Variants in CAPS2 observed in about 807,000 individuals in gnomAD.
CAPS2 encodes the protein calcyphosin-2.
CAPS2 carries 98 observed loss-of-function variants against 86.5 expected under a neutral mutation model. The observed-to-expected ratio is 1.13, with a 90% confidence interval of 0.96 to 1.34. The LOEUF (loss-of-function observed/expected upper bound fraction) is 1.34, where lower values mean the gene tolerates loss of function less well. Ranked by LOEUF, CAPS2 falls within the 40% of genes most tolerant of loss-of-function variation. The probability of loss-of-function intolerance (pLI) is 0.00; values close to 1 mark genes in which losing one functional copy is unlikely to be tolerated. For synonymous variants in CAPS2, 210 were observed against 225.1 expected, an observed-to-expected ratio of 0.93 and a Z score of 0.60; for missense variants, 729 against 686.8, an observed-to-expected ratio of 1.06 and a Z score of -0.69.
At chr12:75,313,333 A>G (rs1290245788) in intron 6 of CAPS2, among the ~76,000 whole-genome samples, 2 of 152,230 alleles carry the variant, frequency 1.3e-5, no homozygotes, top group Admixed American at 1.3e-4. Context: ...AACACTATTC[A>G]TAGCAAAAGA....
intron 4 of CAPS2, among the ~76,000 whole-genome samples, chr12:75,322,263 AAG>A (rs2040376049): frequency 6.6e-6 from 1 of 152,142 alleles, no homozygotes; most frequent in Admixed American, 6.6e-5. Flanking sequence ...GAGAGATAAT[AAG>A]AGTCAGTGGA....
At chr12:75,329,915 A>G (rs1172635875), upstream of CAPS2, 1 of 1,506,384 alleles carries the variant, frequency 6.6e-7, no homozygotes, top group Non-Finnish European at 9.0e-7. Flanking sequence ...AGAGACAGTC[A>G]GCCTGATTTC....
intron 2 of CAPS2, among the ~76,000 whole-genome samples, chr12:75,324,791 A>G (rs2040613295): frequency 6.6e-6 from 1 of 152,128 alleles, no homozygotes; most frequent in South Asian, 2.1e-4. Context: ...GCAACATAAA[A>G]CATAAATTAA....
intron 7 of CAPS2, chr12:75,305,808 G>T: frequency 1.4e-6 from 1 of 736,972 alleles, no homozygotes; most frequent in South Asian, 1.3e-5. Context: ...TACAATTAGT[G>T]ATGGAGGGGC....
At chr12:75,386,890 T>C (rs1182282867) in intron 1 of CAPS2, among the ~76,000 whole-genome samples, 2 of 152,152 alleles carry the variant, frequency 1.3e-5, no homozygotes, top group African/African-American at 4.8e-5. Flanking sequence ...GCACAAACTT[T>C]ATACCCTTCA....
chr12:75,329,791 T>C (rs950984240), upstream of CAPS2: 25 of 1,510,842 alleles, frequency 1.7e-5, no homozygotes, highest in Non-Finnish European at 2.2e-5. Flanking sequence ...TTTCACCCCA[T>C]CACTCCCCCT....
Position 75,316,865 on chromosome 12 carries a change from A to G in CAPS2, c.469-431T>C, listed in dbSNP as rs192818006. ...TTAAATTCAGAAATAAAATACTAAAAGATGAGTGTAACCTTTGAGGTAAAA... is the reference window on the plus strand; with the variant it reads ...TTAAATTCAGAAATAAAATACTAAAGGATGAGTGTAACCTTTGAGGTAAAA... On this transcript the variant is annotated intron_variant, in intron 5 of 16. Transcript: ENST00000393284. 3.3e-3 allele frequency among the ~76,000 whole-genome samples: 498 copies of G among 152,320 alleles called. 1 individual carries two copies. The highest frequency in any genetic ancestry group is 7.0e-3 in the African/African-American group (291 of 41,586).
At chr12:75,288,423 C>G (rs543472577) in intron 14 of CAPS2, among the ~76,000 whole-genome samples, 2 of 152,190 alleles carry the variant, frequency 1.3e-5, no homozygotes, top group African/African-American at 4.8e-5. Context: ...GCAGAGCCCC[C>G]CAATCAAAAA....
chr12:75,350,821 G>A (rs1290744334), intron 1 of CAPS2, among the ~76,000 whole-genome samples: 1 of 152,166 alleles, frequency 6.6e-6, no homozygotes, highest in Non-Finnish European at 1.5e-5. Flanking sequence ...TCTCCAGCAA[G>A]GGCACAGAAC....
chr12:75,356,611 AG>A (rs1159013545), intron 1 of CAPS2, among the ~76,000 whole-genome samples: 2 of 152,300 alleles, frequency 1.3e-5, no homozygotes, highest in East Asian at 3.9e-4. Flanking sequence ...ATTAACCCAA[AG>A]AAAGGCAAAA....
At chr12:75,376,428 C>A (rs2044652566) in intron 1 of CAPS2, among the ~76,000 whole-genome samples, 1 of 152,146 alleles carries the variant, frequency 6.6e-6, no homozygotes, top group African/African-American at 2.4e-5. Context: ...CTGAACCTTA[C>A]CTCTAGGGGC....
intron 1 of CAPS2, among the ~76,000 whole-genome samples, chr12:75,346,403 T>C (rs1046302835): frequency 1.3e-5 from 2 of 152,164 alleles, no homozygotes; most frequent in Admixed American, 6.5e-5. Flanking sequence ...CTCTTTTTTT[T>C]TTTTTGAGAC....
chr12:75,335,688 C>T (rs1057182656), intron 1 of CAPS2, among the ~76,000 whole-genome samples: 1 of 151,870 alleles, frequency 6.6e-6, no homozygotes, highest in Non-Finnish European at 1.5e-5. Flanking sequence ...TACTAGTCTA[C>T]TGTATAAGAA....
chr12:75,389,669 T>A (rs150556474), intron 1 of CAPS2, among the ~76,000 whole-genome samples: 1 of 152,324 alleles, frequency 6.6e-6, no homozygotes, highest in Non-Finnish European at 1.5e-5. Flanking sequence ...TTCCTCTCCT[T>A]AGGCACATTA....
rs138090105 is a variant in CAPS2, at chr12:75,298,745, T to C, written c.986A>G (p.Tyr329Cys). The C allele has an allele frequency of 1.4e-5, 23 of 1,614,080 alleles. No individual in the cohort carries two copies. The African/African-American group carries it at 2.5e-4, about 18-fold the overall frequency. ...TTTTCTTCGTCCACACTGATGACTA[T>C]AAATGCTTTTTTGAATAAAAGGAAG... Residue 329 changes from tyrosine (Y) to cysteine (C), a missense_variant, in exon 11 of 17, where the codon TAT becomes TGT. Transcript: ENST00000393284.
At chr12:75,333,249 G>GGC (rs1481044402), upstream of CAPS2, among the ~76,000 whole-genome samples, 8 of 113,892 alleles carry the variant, frequency 7.0e-5, no homozygotes, top group African/African-American at 2.9e-4. Context: ...TCTATAGGCA[G>GGC]ACACACACAC....
upstream of CAPS2, among the ~76,000 whole-genome samples, chr12:75,330,544 A>G (rs2041217707): frequency 6.6e-6 from 1 of 152,246 alleles, no homozygotes; most frequent in Non-Finnish European, 1.5e-5. Flanking sequence ...ATATGCTACA[A>G]TATCTGCTCT....
At chr12:75,322,629 T>C (rs2040409764) in intron 4 of CAPS2, among the ~76,000 whole-genome samples, 1 of 152,208 alleles carries the variant, frequency 6.6e-6, no homozygotes, top group Admixed American at 6.5e-5. Flanking sequence ...GGAATGAGCA[T>C]AGCTACTTAC....
At chr12:75,289,888 A>G (rs2035545542) in intron 13 of CAPS2, 113 bp from the exon 14 acceptor site, 5 of 748,654 alleles carry the variant, frequency 6.7e-6, no homozygotes, top group Non-Finnish European at 1.1e-5. Context: ...AAGGAATGTG[A>G]ATATTCAAAC....
Sources: allele counts gnomAD v4.1 joint callset (sites outside exome capture counted in the v4.1 genomes callset), GRCh38; gene constraint gnomAD v4.1.1; transcripts MANE v1.5; gene names NCBI Gene and HGNC (gene_info 2026-07-23, HGNC 2026-07-21).